LGR5: variants seen among roughly 807,000 people sequenced by gnomAD.
LGR5 encodes leucine rich repeat containing G protein-coupled receptor 5, also known as leucine-rich repeat-containing G protein-coupled receptor 5.
Under a neutral mutation model 76.7 loss-of-function variants are expected in LGR5, and 54 were observed. The observed-to-expected ratio is 0.70, with a 90% confidence interval of 0.57 to 0.88. The LOEUF is 0.88. Ranked by LOEUF, LGR5 falls within the 40% of genes least tolerant of loss-of-function variation. LGR5 has a pLI of 0.00. For synonymous variants in LGR5, 406 were observed against 421.9 expected, an observed-to-expected ratio of 0.96 and a Z score of 0.46; for missense variants, 1,078 against 1,073.3, an observed-to-expected ratio of 1.00 and a Z score of -0.06.
intron 13 of LGR5, among the ~76,000 whole-genome samples, chr12:71,575,983 C>G (rs990643703): frequency 3.3e-5 from 5 of 152,112 alleles, no homozygotes; most frequent in Admixed American, 6.6e-5. Context: ...CAAACTAACA[C>G]AGGAACAGAA....
intron 1 of LGR5, among the ~76,000 whole-genome samples, chr12:71,497,150 C>CAAA (rs201276823): frequency 6.6e-6 from 1 of 150,920 alleles, no homozygotes; most frequent in African/African-American, 2.4e-5. Flanking sequence ...CTCATCTCTA[C>CAAA]GAAAAAAAAA....
chr12:71,440,196 A>T lies in LGR5; in HGVS notation c.116A>T (p.His39Leu). ...VLLRGCPTHC[H>L]CEPDGRMLLR... The stretch of plus-strand genomic sequence containing the variant: ...CTGAGGGGCTGCCCCACACACTGTC[A>T]TTGCGAGCCCGACGGCAGGATGTTG... The change falls in exon 1 of 18, where the codon CAT (histidine) becomes CTT (leucine). Residue 39 changes from histidine to leucine, a missense_variant. By Grantham distance (99) the His-to-Leu change is moderately conservative. Coordinates refer to ENST00000266674, the MANE Select transcript of LGR5 (RefSeq NM_003667.4). The surrounding 1 kb of genome is among the most constrained non-coding windows in gnomAD (Gnocchi z 5.3). The T allele has an allele frequency of 6.2e-7, 1 of 1,612,718 alleles. No homozygotes were observed.
At chr12:71,469,460 G>A (rs1873001584) in intron 1 of LGR5, among the ~76,000 whole-genome samples, 2 of 152,328 alleles carry the variant, frequency 1.3e-5, no homozygotes, top group East Asian at 1.9e-4. Context: ...GCCTGCCTCC[G>A]CGTGGGCGCT....
At chr12:71,462,678 A>G (rs995075533) in intron 1 of LGR5, among the ~76,000 whole-genome samples, 3 of 151,942 alleles carry the variant, frequency 2.0e-5, no homozygotes, top group Admixed American at 1.3e-4. Flanking sequence ...GGACCACTGC[A>G]ATTTTCTCCT....
intron 1 of LGR5, among the ~76,000 whole-genome samples, chr12:71,504,173 T>C (rs1223000754): frequency 6.6e-6 from 1 of 152,172 alleles, no homozygotes; most frequent in Non-Finnish European, 1.5e-5. Flanking sequence ...AATCAAAACA[T>C]TTGTTTTTAC....
In LGR5 at chr12:71,461,012, A is replaced by G. The variant is rs116747160; in HGVS notation, c.212+20720A>G. Among the ~76,000 whole-genome samples, 731 of 152,282 alleles carry G rather than the reference A, an allele frequency of 4.8e-3. 4 individuals are homozygous for G. The highest frequency in any genetic ancestry group is 0.017 in the African/African-American group (689 of 41,562). The stretch of plus-strand genomic sequence containing the variant: ...GAACAGAACCATGACAGATCTTCCC[A>G]GGAATTGTTCCTTATCCACTCTCCT... On this transcript the variant is annotated intron_variant, in intron 1 of 17. Transcript: ENST00000266674.
At chr12:71,446,887 A>G (rs185217206) in intron 1 of LGR5, among the ~76,000 whole-genome samples, 1 of 152,196 alleles carries the variant, frequency 6.6e-6, no homozygotes, top group South Asian at 2.1e-4. Context: ...CACAGAAACA[A>G]TTTTTCTTGT....
chr12:71,580,959 G>A (rs1454904316), intron 16 of LGR5, among the ~76,000 whole-genome samples: 2 of 152,154 alleles, frequency 1.3e-5, no homozygotes, highest in Non-Finnish European at 2.9e-5. Flanking sequence ...CTGTTCTGTA[G>A]GTGAATTCTT....
chr12:71,473,212 A>G (rs78405033), intron 1 of LGR5, among the ~76,000 whole-genome samples: 1,949 of 152,314 alleles, frequency 0.013, 18 homozygotes, highest in Middle Eastern at 0.037. Context: ...GATCTGGCAC[A>G]CAGAAGATTC....
intron 1 of LGR5, among the ~76,000 whole-genome samples, chr12:71,453,927 A>G (rs1293011041): frequency 1.3e-5 from 2 of 152,200 alleles, no homozygotes; most frequent in Admixed American, 6.5e-5. Flanking sequence ...CCCTGAGAAT[A>G]GTAGGTATCA....
At chr12:71,496,772 C>A (rs1469470067) in intron 1 of LGR5, among the ~76,000 whole-genome samples, 1 of 152,120 alleles carries the variant, frequency 6.6e-6, no homozygotes, top group Non-Finnish European at 1.5e-5. Flanking sequence ...CAAACTATTG[C>A]TATGCACAAC....
chr12:71,475,512 G>T lies in LGR5; in HGVS notation c.213-29102G>T, dbSNP rs79141664. On this transcript the variant is annotated intron_variant, in intron 1 of 17. Coordinates refer to ENST00000266674, the MANE Select transcript of LGR5 (RefSeq NM_003667.4). Reference sequence around the variant, plus strand: ...TGCTTTTCAGGCCTCCTAATGGGTCGTGTTGCAACACAAGCACTTCCATTC... The same window carrying T: ...TGCTTTTCAGGCCTCCTAATGGGTCTTGTTGCAACACAAGCACTTCCATTC... Among the ~76,000 whole-genome samples, 251 of 152,254 alleles carry T rather than the reference G, an allele frequency of 1.6e-3. 3 individuals are homozygous for T. The East Asian group carries it at 0.025, about 15-fold the overall frequency.
chr12:71,524,366 A>G, intron 2 of LGR5, 40 bp from the exon 3 acceptor site: 1 of 1,392,366 alleles, frequency 7.2e-7, no homozygotes, highest in Non-Finnish European at 1.0e-6. Context: ...CCACATGAAG[A>G]GGTATGCTCA....
At chr12:71,448,681 A>G (rs1370031070) in intron 1 of LGR5, 1 of 152,252 alleles carries the variant, frequency 6.6e-6, no homozygotes, top group Non-Finnish European at 1.5e-5. Context: ...GTGATTATGA[A>G]AACCAAATAA....
At chr12:71,449,917 G>A (rs1171239311) in intron 1 of LGR5, among the ~76,000 whole-genome samples, 1 of 152,190 alleles carries the variant, frequency 6.6e-6, no homozygotes, top group Non-Finnish European at 1.5e-5. Context: ...AATCGTGATT[G>A]CTAGAGCATT....
rs182830850 is a variant in LGR5, at chr12:71,550,538, G to T, written c.429-2535G>T. ...TGCAGTGGCATGATCTCGGCTCACT[G>T]CAGCGTCTGCCTCCTGGGTTCAAGC... is the stretch of plus-strand genomic sequence containing the variant. On this transcript the variant is annotated intron_variant, in intron 4 of 17. Coordinates refer to ENST00000266674, the MANE Select transcript of LGR5 (RefSeq NM_003667.4). Among the ~76,000 whole-genome samples the T allele has an allele frequency of 7.1e-4, 107 of 149,726 alleles. 1 individual carries two copies. The highest frequency in any genetic ancestry group is 2.5e-3 in the African/African-American group (100 of 40,556).
chr12:71,481,743 A>C (rs1450371222), intron 1 of LGR5, among the ~76,000 whole-genome samples: 1 of 152,214 alleles, frequency 6.6e-6, no homozygotes, highest in Non-Finnish European at 1.5e-5. Context: ...GGTAGGGACA[A>C]CAATGGGAGT....
Position 71,563,980 on chromosome 12 carries a change from G to A in LGR5, c.857+2128G>A, listed in dbSNP as rs556056834. Among the ~76,000 whole-genome samples the A allele has an allele frequency of 2.2e-4, 8 of 35,736 alleles. 2 individuals are homozygous for A. Among genetic ancestry groups the A allele is most frequent in the Non-Finnish European group, 2.8e-4 (3 of 10,874 alleles). The allele number at this position is 35,736 out of a possible 152,430, so 23.4% of individuals were successfully genotyped here. A position where few individuals can be genotyped will look rare whatever the true frequency, so the allele number is the denominator to read the frequency against. On this transcript the variant is annotated intron_variant, in intron 8 of 17. Transcript: ENST00000266674. ...ATATACGTATCTGTACACACGCACT[G>A]TGTATATATGCATATATACGTATCT...
At chr12:71,481,697 A>G (rs961471020) in intron 1 of LGR5, among the ~76,000 whole-genome samples, 2 of 152,188 alleles carry the variant, frequency 1.3e-5, no homozygotes, top group Non-Finnish European at 2.9e-5. Context: ...CACGATGTTA[A>G]CTGCAAGATA....
Sources: gnomAD v4.1 joint callset for allele counts (sites outside exome capture counted in the v4.1 genomes callset) on GRCh38, gnomAD v4.1.1 for gene constraint, Gnocchi (gnomAD v3.1) non-coding constraint, MANE v1.5 for transcripts, NCBI Gene and HGNC (gene_info 2026-07-23, HGNC 2026-07-21) for gene names.